The following ATP10A variants were observed in gnomAD, a reference collection of about 807,000 sequenced individuals.
ATP10A encodes ATPase phospholipid transporting 10A (putative).
ATP10A carries 111 observed loss-of-function variants against 147.8 expected under a neutral mutation model. The ratio of observed to expected loss-of-function variants is 0.75; its 90% CI spans 0.64 to 0.88. ATP10A has a LOEUF of 0.88. ATP10A is among the 40% of genes least tolerant of loss of function. The probability of loss-of-function intolerance (pLI) is 0.00; values close to 1 mark genes in which losing one functional copy is unlikely to be tolerated. For synonymous variants in ATP10A, 875 were observed against 841.6 expected, an observed-to-expected ratio of 1.04 and a Z score of -0.69; for missense variants, 1,927 against 1,959.0, an observed-to-expected ratio of 0.98 and a Z score of 0.31.
At chr15:25,839,466 G>A (rs549285057) in intron 1 of ATP10A, among the ~76,000 whole-genome samples, 7 of 152,234 alleles carry the variant, frequency 4.6e-5, no homozygotes, top group African/African-American at 9.6e-5. Flanking sequence ...CTCCGTACCC[G>A]TGAGAGATGC....
chr15:25,696,780 A>G (rs1567308210), intron 13 of ATP10A, among the ~76,000 whole-genome samples: 1 of 152,244 alleles, frequency 6.6e-6, no homozygotes, highest in East Asian at 1.9e-4. Flanking sequence ...GTGCTCTGAG[A>G]AGATGAGGAA....
At chr15:25,697,832 A>G (rs1386959023) in intron 13 of ATP10A, among the ~76,000 whole-genome samples, 1 of 152,236 alleles carries the variant, frequency 6.6e-6, no homozygotes, top group Non-Finnish European at 1.5e-5. Context: ...TGGTGTTGAC[A>G]GCATGTACCC....
At chr15:25,722,671 AT>A (rs1193559802) in intron 6 of ATP10A, among the ~76,000 whole-genome samples, 1 of 152,228 alleles carries the variant, frequency 6.6e-6, no homozygotes, top group African/African-American at 2.4e-5. Flanking sequence ...ATTTGCATTT[AT>A]TTAGAAAACT....
At chr15:25,843,643 T>C (rs1384856133) in intron 1 of ATP10A, among the ~76,000 whole-genome samples, 2 of 152,096 alleles carry the variant, frequency 1.3e-5, no homozygotes, top group African/African-American at 2.4e-5. Flanking sequence ...CTCCATCTAC[T>C]CAGAGTTTAT....
intron 2 of ATP10A, among the ~76,000 whole-genome samples, chr15:25,774,074 A>AG (rs997719024): frequency 3.9e-5 from 6 of 152,170 alleles, no homozygotes; most frequent in African/African-American, 1.2e-4. Context: ...ATAGTTAAAG[A>AG]GAAAAAAAGC....
intron 2 of ATP10A, among the ~76,000 whole-genome samples, chr15:25,774,867 C>A (rs1277784330): frequency 6.6e-6 from 1 of 152,102 alleles, no homozygotes; most frequent in African/African-American, 2.4e-5. Context: ...TTGTCAAAGT[C>A]ATTTATTTCT....
At chr15:25,719,148 G>C (rs1319432487) in intron 7 of ATP10A, among the ~76,000 whole-genome samples, 1 of 152,110 alleles carries the variant, frequency 6.6e-6, no homozygotes, top group Non-Finnish European at 1.5e-5. Context: ...CATTCATGAG[G>C]ATTACTTATC....
At chr15:25,777,092 C>CCTGCATGT (rs1307153179) in intron 2 of ATP10A, among the ~76,000 whole-genome samples, 14 of 92,118 alleles carry the variant, frequency 1.5e-4, no homozygotes, top group African/African-American at 4.1e-4. Context: ...TGTGTGCATA[C>CCTGCATGT]GTGCGTGTGT....
intron 2 of ATP10A, among the ~76,000 whole-genome samples, chr15:25,753,553 T>G (rs1000955588): frequency 6.6e-6 from 1 of 150,778 alleles, no homozygotes; most frequent in Non-Finnish European, 1.5e-5. Context: ...CACCCCTAAC[T>G]GCACCCCCCC....
chr15:25,825,679 A>G (rs2197404), intron 1 of ATP10A, among the ~76,000 whole-genome samples: 48,669 of 152,214 alleles, frequency 0.32, 9,105 homozygotes, highest in African/African-American at 0.51. Flanking sequence ...CATAAAAGTC[A>G]ATAAATAAAC....
upstream of ATP10A, among the ~76,000 whole-genome samples, chr15:25,863,423 C>T (rs187726197): frequency 0.013 from 1,945 of 152,230 alleles, 30 homozygotes; most frequent in African/African-American, 0.04. Context: ...TCGTTCCGCG[C>T]CCGGACTGGG....
intron 1 of ATP10A, among the ~76,000 whole-genome samples, chr15:25,791,224 CGTG>C (rs1424877606): frequency 1.3e-5 from 2 of 151,236 alleles, no homozygotes; most frequent in African/African-American, 4.9e-5. Context: ...GGATTACAGG[CGTG>C]CCCCACCACA....
chr15:25,698,072 G>C (rs991773677), intron 13 of ATP10A, among the ~76,000 whole-genome samples: 1 of 152,202 alleles, frequency 6.6e-6, no homozygotes, highest in Non-Finnish European at 1.5e-5. Context: ...AAAATGTAAT[G>C]TAGTGTTCTG....
intron 3 of ATP10A, 30 bp downstream of exon 3, chr15:25,736,026 G>GA: frequency 1.3e-6 from 2 of 1,556,466 alleles, no homozygotes; most frequent in Non-Finnish European, 1.8e-6. Flanking sequence ...CAAACAGAAG[G>GA]ATGCGCGCAG....
intron 17 of ATP10A, among the ~76,000 whole-genome samples, chr15:25,682,359 A>G (rs1312604815): frequency 1.3e-5 from 2 of 151,988 alleles, no homozygotes; most frequent in Admixed American, 1.3e-4. Flanking sequence ...TAGAGTCTCT[A>G]TTACCCGGGT....
At chr15:25,762,578 A>G (rs2140633751) in intron 2 of ATP10A, among the ~76,000 whole-genome samples, 1 of 152,002 alleles carries the variant, frequency 6.6e-6, no homozygotes, top group South Asian at 2.1e-4. Flanking sequence ...ACTGTGCCCA[A>G]GCCTATTTAT....
At chr15:25,796,489 G>A (rs1265098910) in intron 1 of ATP10A, among the ~76,000 whole-genome samples, 4 of 152,266 alleles carry the variant, frequency 2.6e-5, no homozygotes, top group African/African-American at 9.6e-5. Context: ...TCTAATTATG[G>A]CCTGTGTGCA....
intron 2 of ATP10A, among the ~76,000 whole-genome samples, chr15:25,772,673 G>A (rs1219393021): frequency 6.6e-6 from 1 of 152,188 alleles, no homozygotes; most frequent in Admixed American, 6.5e-5. Context: ...TGCGGCAAAG[G>A]TCAGTTGTGA....
intron 2 of ATP10A, among the ~76,000 whole-genome samples, chr15:25,754,047 G>A (rs117339617): frequency 6.6e-6 from 1 of 152,246 alleles, no homozygotes; most frequent in East Asian, 1.9e-4. Context: ...CAATCCTCCT[G>A]CATCGGCCTC....
Sources: allele counts gnomAD v4.1 joint callset (sites outside exome capture counted in the v4.1 genomes callset), GRCh38; gene constraint gnomAD v4.1.1; transcripts MANE v1.5; gene names NCBI Gene and HGNC (gene_info 2026-07-23, HGNC 2026-07-21).